Variants in RRBP1 observed in about 807,000 individuals in gnomAD.
RRBP1 encodes the protein ribosome binding protein 1.
RRBP1 carries 94 observed loss-of-function variants against 165.2 expected under a neutral mutation model. The ratio of observed to expected loss-of-function variants is 0.57; its 90% confidence interval spans 0.48 to 0.68. The LOEUF (loss-of-function observed/expected upper bound fraction) is 0.68. Among genes scored for constraint, RRBP1 ranks in the 30% least tolerant of loss-of-function variants. The probability of loss-of-function intolerance (pLI) is 0.00; values close to 1 mark genes in which losing one functional copy is unlikely to be tolerated. For synonymous variants in RRBP1, 680 were observed against 714.5 expected, an observed-to-expected ratio of 0.95 and a Z score of 0.77; for missense variants, 1,676 against 1,763.0, an observed-to-expected ratio of 0.95 and a Z score of 0.88.
intron 3 of RRBP1, among the ~76,000 whole-genome samples, chr20:17,653,246 T>G (rs1318888879): frequency 6.6e-6 from 1 of 152,188 alleles, no homozygotes; most frequent in Non-Finnish European, 1.5e-5. Context: ...GCAGACTAAC[T>G]GTGAGGAGAG....
chr20:17,643,830 C>T lies in RRBP1; in HGVS notation c.1913-703G>A. 6.6e-6 allele frequency among the ~76,000 whole-genome samples: 1 copy of T among 152,184 alleles called. No individual in the cohort carries two copies. The highest frequency in any genetic ancestry group is 1.9e-4 in the East Asian group (1 of 5,198). ...CAGGGAGCCATCTGCCAACAAACGT[C>T]ACTTCTGAAAAACTAAAACTGCCGA... On this transcript the variant is annotated intron_variant, in intron 3 of 24. Coordinates refer to ENST00000377813, the MANE Select transcript of RRBP1 (RefSeq NM_001365613.2). The surrounding 1 kb of genome is among the most constrained non-coding windows in gnomAD (Gnocchi z 4.3).
rs2036725194 is a variant in RRBP1, at chr20:17,659,808, CCTCT to C, written c.696_699del (p.Gly234ProfsTer38). 1.3e-6 allele frequency: 2 copies of C among 1,550,836 alleles called. No individual in the cohort carries two copies. The highest frequency in any genetic ancestry group is 1.7e-6 in the Non-Finnish European group (2 of 1,146,988). On this transcript the variant is annotated frameshift_variant, in exon 3 of 25. Coordinates refer to ENST00000377813, the MANE Select transcript of RRBP1 (RefSeq NM_001365613.2). LOFTEE classifies it high-confidence loss of function. Reference sequence around the variant, plus strand: ...GCCTTTTTCCCTTGGTTTGGGGTTCCCTCTGTCTTTTTGCCCTGGTTTGGGGTTC... The same window carrying C: ...GCCTTTTTCCCTTGGTTTGGGGTTCCGTCTTTTTGCCCTGGTTTGGGGTTC...
chr20:17,664,054 T>C (rs1032761905), intron 2 of RRBP1, among the ~76,000 whole-genome samples: 5 of 152,198 alleles, frequency 3.3e-5, no homozygotes, highest in Admixed American at 1.3e-4. Context: ...ATACCTATGA[T>C]GAAATTTAAT....
chr20:17,666,088 T>C (rs1215404553), intron 2 of RRBP1, among the ~76,000 whole-genome samples: 3 of 152,210 alleles, frequency 2.0e-5, no homozygotes, highest in African/African-American at 7.2e-5. Flanking sequence ...CCTACAAAAT[T>C]TCTACTGGAA....
rs1259739977 is a variant in RRBP1, at chr20:17,616,767, G to C, written c.3832C>G (p.Pro1278Ala). The change falls in exon 21 of 25, where the codon CCA (proline) becomes GCA (alanine). Residue 1278 changes from proline (P) to alanine (A), a missense_variant. Around this residue, in one of 5 missense-constraint regions of RRBP1, gnomAD observed 1,184 missense variants for 1,167.1 expected, o/e 1.01. Coordinates refer to ENST00000377813, the MANE Select transcript of RRBP1 (RefSeq NM_001365613.2). ...TCCTGCTCGGCTGGGGGCGCCTCTGGGGAGGAAGCTGGGGCCCCAGCTATG... is the reference window on the plus strand; with the variant it reads ...TCCTGCTCGGCTGGGGGCGCCTCTGCGGAGGAAGCTGGGGCCCCAGCTATG... ...GDIAGAPASS[P>A]EAPPAEQDPV... 6.2e-7 allele frequency: 1 copy of C among 1,612,662 alleles called. No individual in the cohort carries two copies. Among genetic ancestry groups the C allele is most frequent in the Non-Finnish European group, 8.5e-7 (1 of 1,179,518 alleles).
At chr20:17,657,130 C>T (rs144321643) in intron 3 of RRBP1, among the ~76,000 whole-genome samples, 30 of 152,360 alleles carry the variant, frequency 2.0e-4, no homozygotes, top group African/African-American at 7.2e-4. Context: ...TTCTCAGCTC[C>T]ATCCCCAGCT....
chr20:17,625,423 C>A, intron 12 of RRBP1, 89 bp downstream of exon 12: 1 of 1,144,594 alleles, frequency 8.7e-7, no homozygotes, highest in Non-Finnish European at 1.3e-6. Context: ...TCCCCCGAGT[C>A]CAGGGCGGGT....
Position 17,620,757 on chromosome 20 carries a change from C to T in RRBP1, c.3465G>A (p.Val1155=). 1.2e-6 allele frequency: 2 copies of T among 1,608,858 alleles called. No individual in the cohort carries two copies. Among genetic ancestry groups the T allele is most frequent in the African/African-American group, 1.3e-5 (1 of 75,046 alleles). The change falls in exon 17 of 25, where the codon GTG becomes GTA. Residue 1155 remains valine (V), a synonymous_variant. Transcript: ENST00000377813. The stretch of plus-strand genomic sequence containing the variant: ...CTGCGGCGCCCACCTTGGCCCTCCA[C>T]ACCTGCTCCTCCTCCTCCACGCTCT... ...LQKSVEEEEQ[V]WRAKVGAAEE...
At chr20:17,639,195 G>A (rs373170397) in intron 5 of RRBP1, among the ~76,000 whole-genome samples, 4 of 152,334 alleles carry the variant, frequency 2.6e-5, no homozygotes, top group African/African-American at 9.6e-5. Flanking sequence ...ACCCCCAAGA[G>A]ATTCTCAGAC....
In RRBP1 at chr20:17,643,110, C is replaced by T. The variant is rs138581851; in HGVS notation, c.1930G>A (p.Gly644Ser). 2.9e-5 allele frequency: 46 copies of T among 1,613,834 alleles called. 1 individual carries two copies. The Middle Eastern group carries it at 8.2e-4, about 29-fold the overall frequency. Residue 644 changes from glycine to serine, a missense_variant, in exon 4 of 25, where the codon GGC becomes AGC. Transcript: ENST00000377813. The surrounding 1 kb of genome is among the most constrained non-coding windows in gnomAD (Gnocchi z 4.3). ...GTCTTGTAGGGGAGGTAGAGAGGGC[C>T]GTCGGCATCTGGGGGCCCTGTGCAG... is the stretch of plus-strand genomic sequence containing the variant. The part of the protein sequence containing the change: ...KGEPGPPDAD[G>S]PLYLPYKTLV...
At position 17,656,026 on chromosome 20, in the gene RRBP1, G is replaced by A. The variant is rs765215291; in HGVS notation, c.1912+2570C>T. Among the ~76,000 whole-genome samples the A allele has an allele frequency of 3.2e-4, 48 of 152,330 alleles. No homozygotes were observed. The Middle Eastern group carries it at 0.014, about 43-fold the overall frequency. On this transcript the variant is annotated intron_variant, in intron 3 of 24. Coordinates refer to ENST00000377813, the MANE Select transcript of RRBP1 (RefSeq NM_001365613.2). ...TCATCTGCATAACAAAGTTTAAGAA[G>A]CACTTCAGGAGGGGACGTCTCCAGG...
intron 3 of RRBP1, among the ~76,000 whole-genome samples, chr20:17,645,389 C>T (rs2036445981): frequency 6.6e-6 from 1 of 152,230 alleles, no homozygotes; most frequent in Non-Finnish European, 1.5e-5. Flanking sequence ...AAACTTGCAA[C>T]ACGCGAAACA....
intron 2 of RRBP1, among the ~76,000 whole-genome samples, chr20:17,661,056 C>T (rs1008765579): frequency 7.9e-5 from 12 of 152,048 alleles, no homozygotes; most frequent in African/African-American, 2.9e-4. Context: ...TTTCTCTCAA[C>T]GTGAAATTGA....
chr20:17,649,015 G>C (rs2036511885), intron 3 of RRBP1, among the ~76,000 whole-genome samples: 1 of 152,224 alleles, frequency 6.6e-6, no homozygotes. Context: ...GCTGAAAAGA[G>C]ATTTCTGGAA....
At chr20:17,621,801 C>CAT in intron 14 of RRBP1, 28 bp from the exon 15 acceptor site, 2 of 1,613,412 alleles carry the variant, frequency 1.2e-6, no homozygotes, top group Non-Finnish European at 1.7e-6. Context: ...CGGTGAGACC[C>CAT]GGGGACATTC....
chr20:17,615,365 G>GC (rs1441763256), intron 23 of RRBP1, 66 bp downstream of exon 23: 2 of 1,327,824 alleles, frequency 1.5e-6, no homozygotes, highest in African/African-American at 3.0e-5. Context: ...CCTTTCCGAG[G>GC]CCAAGAGTGG....
chr20:17,636,765 C>G, intron 5 of RRBP1, 36 bp from the exon 6 acceptor site: 1 of 1,610,126 alleles, frequency 6.2e-7, no homozygotes, highest in Non-Finnish European at 8.5e-7. Context: ...GGCTGGTAAG[C>G]CTTGCAGGGC....
chr20:17,663,348 A>G (rs2122466595), intron 2 of RRBP1, among the ~76,000 whole-genome samples: 1 of 152,362 alleles, frequency 6.6e-6, no homozygotes, highest in South Asian at 2.1e-4. Context: ...ATACAAAAAC[A>G]TATTCTCTGT....
intron 2 of RRBP1, among the ~76,000 whole-genome samples, chr20:17,670,553 T>C (rs935670355): frequency 2.0e-5 from 3 of 152,212 alleles, no homozygotes; most frequent in Admixed American, 6.5e-5. Flanking sequence ...ACTGTTTTCA[T>C]GTATTTAATC....
Sources: gnomAD v4.1 joint callset for allele counts (sites outside exome capture counted in the v4.1 genomes callset) on GRCh38, gnomAD v4.1.1 for gene constraint, gnomAD v4.1.1 regional missense constraint, Gnocchi (gnomAD v3.1) non-coding constraint, MANE v1.5 for transcripts, NCBI Gene and HGNC (gene_info 2026-07-23, HGNC 2026-07-21) for gene names.